Variants in CAMK2A observed in about 807,000 individuals in gnomAD.
CAMK2A encodes calcium/calmodulin dependent protein kinase II alpha, also known as calcium/calmodulin-dependent protein kinase type II subunit alpha.
CAMK2A carries 7 observed loss-of-function variants against 79.2 expected under a neutral mutation model. That is an observed-to-expected ratio of 0.09 (90% CI 0.05 to 0.17). CAMK2A has a LOEUF of 0.17. Ranked by LOEUF, CAMK2A falls within the 10% of genes least tolerant of loss-of-function variation. CAMK2A has a pLI of 1.00. For synonymous variants in CAMK2A, 242 were observed against 251.7 expected (o/e 0.96, Z 0.36); for missense variants, 214 against 646.4 (o/e 0.33, Z 7.25).
intron 1 of CAMK2A, among the ~76,000 whole-genome samples, chr5:150,279,353 T>C (rs935113338): frequency 1.3e-5 from 2 of 152,228 alleles, no homozygotes; most frequent in African/African-American, 4.8e-5. Flanking sequence ...GTTCACATTG[T>C]GGGTCAGCTA....
intron 14 of CAMK2A, among the ~76,000 whole-genome samples, chr5:150,239,071 G>A (rs1279155099): frequency 3.3e-5 from 5 of 152,188 alleles, no homozygotes; most frequent in African/African-American, 9.7e-5. Flanking sequence ...CACCATGGCG[G>A]CCGCAGAGTG....
At chr5:150,272,956 A>T (rs1756811654) in intron 2 of CAMK2A, 109 bp downstream of exon 2, 1 of 789,826 alleles carries the variant, frequency 1.3e-6, no homozygotes, top group South Asian at 1.5e-5. Context: ...CCCCTGCCAT[A>T]AGTATCACCC....
intron 13 of CAMK2A, 43 bp from the exon 14 acceptor site, chr5:150,239,779 C>T (rs372389374): frequency 1.0e-5 from 16 of 1,578,396 alleles, no homozygotes; most frequent in South Asian, 5.5e-5. Flanking sequence ...AAAGACACAG[C>T]GTGAAAACGG....
At chr5:150,261,042 C>T (rs568511984) in intron 3 of CAMK2A, among the ~76,000 whole-genome samples, 1 of 151,866 alleles carries the variant, frequency 6.6e-6, no homozygotes, top group Non-Finnish European at 1.5e-5. Flanking sequence ...ACTGGAGTCC[C>T]AGATCTACCC....
intron 3 of CAMK2A, among the ~76,000 whole-genome samples, chr5:150,264,022 G>C (rs1027142406): frequency 7.2e-5 from 11 of 152,192 alleles, no homozygotes; most frequent in African/African-American, 2.4e-4. Flanking sequence ...CACGGAGAGA[G>C]GCTTCCCTGC....
At chr5:150,274,535 A>T (rs1756874654) in intron 1 of CAMK2A, among the ~76,000 whole-genome samples, 1 of 151,898 alleles carries the variant, frequency 6.6e-6, no homozygotes, top group Non-Finnish European at 1.5e-5. Flanking sequence ...TACAGAGGAG[A>T]CTCCTAAAGG....
intron 6 of CAMK2A, among the ~76,000 whole-genome samples, chr5:150,255,177 C>T (rs894953033): frequency 5.3e-5 from 8 of 152,248 alleles, no homozygotes; most frequent in Admixed American, 4.6e-4. Context: ...TCTCCTCCTT[C>T]CTCCTCCAGT....
At chr5:150,227,068 G>A (rs564115699) in intron 17 of CAMK2A, among the ~76,000 whole-genome samples, 110 of 152,082 alleles carry the variant, frequency 7.2e-4, no homozygotes, top group African/African-American at 2.6e-3. Flanking sequence ...CACCGCGCCC[G>A]GCTATAGATT....
chr5:150,265,180 G>C, intron 2 of CAMK2A, 165 bp from the exon 3 acceptor site: 1 of 627,626 alleles, frequency 1.6e-6, no homozygotes, highest in African/African-American at 1.8e-5. Flanking sequence ...GAAGACCATG[G>C]GGTGCAGTGG....
At chr5:150,281,527 C>T (rs762534020) in intron 1 of CAMK2A, among the ~76,000 whole-genome samples, 2 of 152,240 alleles carry the variant, frequency 1.3e-5, no homozygotes, top group African/African-American at 4.8e-5. Flanking sequence ...AGTCCACCCC[C>T]TCCTATTCCA....
chr5:150,242,163 G>T (rs1195335297), intron 13 of CAMK2A, among the ~76,000 whole-genome samples: 1 of 152,188 alleles, frequency 6.6e-6, no homozygotes, highest in African/African-American at 2.4e-5. Flanking sequence ...GGGGGACGTT[G>T]CTTCTTGGTG....
intron 9 of CAMK2A, among the ~76,000 whole-genome samples, chr5:150,251,427 GTAA>G (rs1755828810): frequency 7.4e-6 from 1 of 135,926 alleles, no homozygotes; most frequent in African/African-American, 3.1e-5. Context: ...AGGATTAAAT[GTAA>G]TAATATGTGT....
chr5:150,219,628 TAAAAAAGAAAAGAAAAA>T lies in CAMK2A; in HGVS notation c.*3065_*3081del, dbSNP rs200240393. The T allele has an allele frequency of 0.087, 2,614 of 30,146 alleles. 182 individuals carry two copies. The highest frequency in any genetic ancestry group is 0.51 in the East Asian group (991 of 1,946). 1.9% of individuals were successfully genotyped at this position (30,146 alleles called of 1,614,324 possible). ...ATTCAAGTTCACAGCCACATATTTT[TAAAAAAGAAAAGAAAAA>T]AAAAAAGAACTAAAACAAAACCCCA... On this transcript the variant is annotated 3_prime_UTR_variant, in exon 19 of 19. Transcript: ENST00000671881.
intron 17 of CAMK2A, among the ~76,000 whole-genome samples, chr5:150,227,390 C>T (rs1754651060): frequency 6.6e-6 from 1 of 152,276 alleles, no homozygotes; most frequent in East Asian, 1.9e-4. Flanking sequence ...TTAAGTGGTG[C>T]CCACATACAC....
At chr5:150,239,664 G>T in intron 14 of CAMK2A, 40 bp downstream of exon 14, 1 of 1,605,482 alleles carries the variant, frequency 6.2e-7, no homozygotes, top group Non-Finnish European at 8.5e-7. Flanking sequence ...AGGGTTCGAG[G>T]CCCAGCATTT....
intron 3 of CAMK2A, among the ~76,000 whole-genome samples, chr5:150,259,117 T>C (rs1331462981): frequency 6.6e-6 from 1 of 151,288 alleles, no homozygotes; most frequent in Non-Finnish European, 1.5e-5. Context: ...GAGGTGGAGT[T>C]TGCAGTGAGC....
chr5:150,256,704 C>A lies in CAMK2A; in HGVS notation c.339-59G>T, dbSNP rs1756074149. On this transcript the variant is annotated intron_variant, in intron 5 of 18. Coordinates refer to ENST00000671881, the MANE Select transcript of CAMK2A (RefSeq NM_015981.4). This position sits in a 1 kb window ranked among gnomAD's most constrained non-coding sequence, Gnocchi z 4.6. ...GTGAGCACAGGCCTCCCCTGGGAAG[C>A]TGACAGCAGGCAAGAGTGCCCTGTC... The A allele has an allele frequency of 6.2e-7, 1 of 1,609,048 alleles. No individual in the cohort carries two copies. The highest frequency in any genetic ancestry group is 1.7e-5 in the Admixed American group (1 of 60,000).
At chr5:150,235,225 T>C (rs555813318) in intron 15 of CAMK2A, among the ~76,000 whole-genome samples, 1 of 152,314 alleles carries the variant, frequency 6.6e-6, no homozygotes, top group African/African-American at 2.4e-5. Flanking sequence ...CAATAAAGCC[T>C]AGTGGGCAGG....
rs775198222 is a variant in CAMK2A at position 150,264,957 on chromosome 5, G to A, written c.216C>T (p.Ile72=). ...RICRLLKHPN[I]VRLHDSISEE... ...CCCCTCTCATCCCACAAGGCTCACC[G>A]ATGTTGGGGTGCTTCAGCAGGCGGC... Residue 72 remains isoleucine, a splice_region_variant and synonymous_variant, in exon 3 of 19, where the codon ATC becomes ATT. Transcript: ENST00000671881. The A allele has an allele frequency of 2.0e-5, 33 of 1,613,186 alleles. No individual in the cohort carries two copies. The highest frequency in any genetic ancestry group is 8.9e-5 in the East Asian group (4 of 44,860).
Sources: gnomAD v4.1 joint callset for allele counts (sites outside exome capture counted in the v4.1 genomes callset) on GRCh38, gnomAD v4.1.1 for gene constraint, Gnocchi (gnomAD v3.1) non-coding constraint, MANE v1.5 for transcripts, NCBI Gene and HGNC (gene_info 2026-07-23, HGNC 2026-07-21) for gene names.